FMNL2: variants seen among roughly 807,000 people sequenced by gnomAD.
FMNL2 encodes the protein formin-like protein 2.
FMNL2 carries 51 observed loss-of-function variants against 130.2 expected under a neutral mutation model. The ratio of observed to expected loss-of-function variants is 0.39; its 90% CI spans 0.31 to 0.49. The LOEUF (loss-of-function observed/expected upper bound fraction) is 0.49, where lower values mean the gene tolerates loss of function less well. Among genes scored for constraint, FMNL2 ranks in the 20% least tolerant of loss-of-function variants. FMNL2 has a pLI of 0.85. For missense variants in FMNL2, 977 were observed against 1,316.2 expected, an observed-to-expected ratio of 0.74 and a Z score of 3.99; for synonymous variants, 465 against 467.1, an observed-to-expected ratio of 1.00 and a Z score of 0.06.
intron 4 of FMNL2, among the ~76,000 whole-genome samples, chr2:152,550,884 T>C (rs1371250311): frequency 6.6e-6 from 1 of 152,146 alleles, no homozygotes; most frequent in African/African-American, 2.4e-5. Flanking sequence ...ACGTCTGTAA[T>C]CCTAGCACTT....
At chr2:152,547,640 C>T (rs1334198754) in intron 3 of FMNL2, among the ~76,000 whole-genome samples, 3 of 152,158 alleles carry the variant, frequency 2.0e-5, no homozygotes, top group Admixed American at 6.5e-5. Context: ...GCCACCAAGT[C>T]CCAGGTGTGG....
chr2:152,382,959 G>A (rs1684561662), intron 1 of FMNL2, among the ~76,000 whole-genome samples: 1 of 152,152 alleles, frequency 6.6e-6, no homozygotes, highest in Non-Finnish European at 1.5e-5. Flanking sequence ...TTAACATAGG[G>A]CAATGCATTA....
chr2:152,561,803 C>G (rs1364106778), intron 6 of FMNL2, among the ~76,000 whole-genome samples: 1 of 152,156 alleles, frequency 6.6e-6, no homozygotes, highest in African/African-American at 2.4e-5. Context: ...GTCTCGAACT[C>G]CTGACCTCAG....
chr2:152,549,295 G>A (rs756134316), intron 4 of FMNL2, among the ~76,000 whole-genome samples, 198 bp downstream of exon 4: 11 of 152,180 alleles, frequency 7.2e-5, no homozygotes, highest in Non-Finnish European at 1.3e-4. Context: ...AGTCCTTGAT[G>A]TGGAATTTAT....
At chr2:152,633,076 T>C (rs1340256112) in intron 21 of FMNL2, among the ~76,000 whole-genome samples, 1 of 151,974 alleles carries the variant, frequency 6.6e-6, no homozygotes, top group East Asian at 1.9e-4. Context: ...ACAATTTGCA[T>C]GTCCATTGCA....
At chr2:152,542,287 T>C (rs1694353436) in intron 2 of FMNL2, among the ~76,000 whole-genome samples, 3 of 152,232 alleles carry the variant, frequency 2.0e-5, no homozygotes, top group South Asian at 4.1e-4. Context: ...TCTTTTGTTA[T>C]TTTCAAAGAT....
intron 21 of FMNL2, 71 bp downstream of exon 21, chr2:152,632,208 G>A (rs1046293469): frequency 6.5e-7 from 1 of 1,543,964 alleles, no homozygotes; most frequent in Non-Finnish European, 8.7e-7. Flanking sequence ...GCCATTCCCT[G>A]CTTAAACACT....
intron 1 of FMNL2, among the ~76,000 whole-genome samples, chr2:152,475,590 G>A (rs1394518857): frequency 6.6e-6 from 1 of 151,838 alleles, no homozygotes; most frequent in Middle Eastern, 3.2e-3. Flanking sequence ...CACCTCCCAG[G>A]TTCCCGCCAT....
chr2:152,635,599 T>TA (rs1438496394), intron 21 of FMNL2, among the ~76,000 whole-genome samples: 1 of 152,182 alleles, frequency 6.6e-6, no homozygotes, highest in African/African-American at 2.4e-5. Context: ...TTTCAGCAAA[T>TA]ACTGCAGTTA....
chr2:152,569,623 A>G (rs568706103), intron 6 of FMNL2, among the ~76,000 whole-genome samples: 1 of 145,440 alleles, frequency 6.9e-6, no homozygotes, highest in South Asian at 2.2e-4. Context: ...CAAGGCTGCA[A>G]TGTGCGGAGA....
At chr2:152,538,569 T>C (rs1694134517) in intron 2 of FMNL2, among the ~76,000 whole-genome samples, 1 of 152,164 alleles carries the variant, frequency 6.6e-6, no homozygotes, top group Admixed American at 6.5e-5. Context: ...CGTGAGCCAC[T>C]GCACCCAGCT....
rs1323353552 is a variant in FMNL2 at position 152,560,911 on chromosome 2, G to T, written c.472G>T (p.Val158Leu). Residue 158 changes from valine to leucine, a missense_variant, in exon 6 of 26, where the codon GTG (valine) becomes TTG (leucine). Coordinates refer to ENST00000288670, the MANE Select transcript of FMNL2 (RefSeq NM_052905.4). ...TGACTTTGAAAGTGTGGAGAGTACT[G>T]TGGAGAGCTCGGTGGACAAATCAAA... is the stretch of plus-strand genomic sequence containing the variant. Reference protein sequence around the residue: ...TFDFESVESTVESSVDKSKPW... With the variant: ...TFDFESVESTLESSVDKSKPW... 6.2e-7 allele frequency: 1 copy of T among 1,612,842 alleles called. No individual in the cohort carries two copies. The highest frequency in any genetic ancestry group is 8.5e-7 in the Non-Finnish European group (1 of 1,179,438).
chr2:152,350,220 C>T (rs1465940707), intron 1 of FMNL2, among the ~76,000 whole-genome samples: 1 of 152,032 alleles, frequency 6.6e-6, no homozygotes, highest in African/African-American at 2.4e-5. Flanking sequence ...ATTTGTTTCT[C>T]CGTTTGCTGG....
At chr2:152,627,439 A>G (rs1681867235) in intron 17 of FMNL2, among the ~76,000 whole-genome samples, 1 of 152,174 alleles carries the variant, frequency 6.6e-6, no homozygotes, top group Non-Finnish European at 1.5e-5. Flanking sequence ...TTATAAATTG[A>G]TTATCTTATA....
rs374160133 is a variant in FMNL2, at chr2:152,335,417, G to A, written c.-187G>A. ...GGCGGCGGAGAGCATGAGGGAGGCC[G>A]GGGGGCGGCTCGGCTTGGAGCGCTG... On this transcript the variant is annotated 5_prime_UTR_variant, in exon 1 of 26. Coordinates refer to ENST00000288670, the MANE Select transcript of FMNL2 (RefSeq NM_052905.4). 3.9e-5 allele frequency: 12 copies of A among 311,020 alleles called. No individual in the cohort carries two copies. The highest frequency in any genetic ancestry group is 3.1e-4 in the Admixed American group (6 of 19,208). The allele number at this position is 311,020 out of a possible 1,614,324, so 19.3% of individuals were successfully genotyped here.
chr2:152,569,216 A>G (rs950837127), intron 6 of FMNL2, among the ~76,000 whole-genome samples: 1 of 151,920 alleles, frequency 6.6e-6, no homozygotes, highest in African/African-American at 2.4e-5. Flanking sequence ...CAGCCTATGA[A>G]CATGTATCTG....
chr2:152,433,210 G>A (rs1579651787), intron 1 of FMNL2, among the ~76,000 whole-genome samples: 1 of 152,150 alleles, frequency 6.6e-6, no homozygotes. Flanking sequence ...GGAAATTGCT[G>A]TGTGCCATCA....
In FMNL2 at chr2:152,390,164, C is replaced by G. The variant is rs1685023209; in HGVS notation, c.117+54444C>G. ...CAGACCTGCCCAATTACTGCTGGAC[C>G]CAGAGCCTGTCGGAGCTGGACCTGG... On this transcript the variant is annotated intron_variant, in intron 1 of 25. Coordinates refer to ENST00000288670, the MANE Select transcript of FMNL2 (RefSeq NM_052905.4). The G allele has an allele frequency of 1.4e-5, 18 of 1,282,142 alleles. No individual in the cohort carries two copies. In the South Asian group the frequency reaches 2.1e-4, roughly 15 times the overall value. 79.4% of individuals were successfully genotyped at this position (1,282,142 alleles called of 1,614,324 possible).
At chr2:152,632,482 T>A (rs562813669) in intron 21 of FMNL2, among the ~76,000 whole-genome samples, 14 of 152,356 alleles carry the variant, frequency 9.2e-5, no homozygotes, top group African/African-American at 3.4e-4. Context: ...TTAATTTGAT[T>A]TTGTGCCATT....
Sources: gnomAD v4.1 joint callset for allele counts (sites outside exome capture counted in the v4.1 genomes callset) on GRCh38, gnomAD v4.1.1 for gene constraint, MANE v1.5 for transcripts, NCBI Gene and HGNC (gene_info 2026-07-23, HGNC 2026-07-21) for gene names.